KIAA0319: variants seen among roughly 807,000 people sequenced by gnomAD.
The protein encoded by KIAA0319 is dyslexia-associated protein KIAA0319.
KIAA0319 carries 83 observed loss-of-function variants against 108.4 expected under a neutral mutation model. The observed-to-expected ratio is 0.77, with a 90% CI of 0.64 to 0.92. The LOEUF is 0.92. Ranked by LOEUF, KIAA0319 falls within the 40% of genes least tolerant of loss-of-function variation. The pLI is 0.00. For missense variants in KIAA0319, 1,195 were observed against 1,322.4 expected (o/e 0.90, Z 1.49); for synonymous variants, 484 against 510.4 (o/e 0.95, Z 0.70).
chr6:24,557,920 T>G (rs1428747054), intron 17 of KIAA0319, among the ~76,000 whole-genome samples: 1 of 152,004 alleles, frequency 6.6e-6, no homozygotes, highest in East Asian at 1.9e-4. Flanking sequence ...AAGTTAAAAA[T>G]CAGATTAAAA....
rs1165252514 is a variant in KIAA0319 at position 24,596,844 on chromosome 6, C to G, written c.56-226G>C. 5.9e-5 allele frequency among the ~76,000 whole-genome samples: 9 copies of G among 152,296 alleles called. No homozygotes were observed. The South Asian group carries it at 8.3e-4, about 14-fold the overall frequency. On this transcript the variant is annotated intron_variant, in intron 2 of 20. Coordinates refer to ENST00000378214, the MANE Select transcript of KIAA0319 (RefSeq NM_014809.4). ...CTCATTCATCTTCCATCTACTCATC[C>G]TTTCATTCATCCACCCGTCTTTCCT...
chr6:24,641,943 G>T (rs1437414448), intron 1 of KIAA0319, among the ~76,000 whole-genome samples: 1 of 150,852 alleles, frequency 6.6e-6, no homozygotes, highest in African/African-American at 2.4e-5. Flanking sequence ...GAGGTGGGAG[G>T]AGGCAGAGGC....
intron 14 of KIAA0319, among the ~76,000 whole-genome samples, chr6:24,566,251 A>C (rs1422759079): frequency 6.6e-6 from 1 of 152,182 alleles, no homozygotes; most frequent in Non-Finnish European, 1.5e-5. Context: ...GAAGTAGTTA[A>C]GGTTAATTGA....
At chr6:24,625,915 A>G (rs1033115896) in intron 1 of KIAA0319, among the ~76,000 whole-genome samples, 1 of 152,246 alleles carries the variant, frequency 6.6e-6, no homozygotes, top group Non-Finnish European at 1.5e-5. Context: ...AAAGAAGTAA[A>G]GACAACCTAA....
intron 4 of KIAA0319, among the ~76,000 whole-genome samples, chr6:24,584,179 C>G (rs928078535): frequency 2.0e-5 from 3 of 151,998 alleles, no homozygotes; most frequent in Admixed American, 6.6e-5. Context: ...GTACTTGGAA[C>G]CTTTCCAAGA....
chr6:24,563,667 G>A (rs79017898), intron 15 of KIAA0319, 149 bp from the exon 16 acceptor site: 91 of 607,752 alleles, frequency 1.5e-4, no homozygotes, highest in Admixed American at 1.3e-3. Flanking sequence ...TCTAAACACC[G>A]CAAAGGCCAC....
intron 1 of KIAA0319, among the ~76,000 whole-genome samples, chr6:24,614,442 A>C (rs1361429729): frequency 1.3e-5 from 2 of 152,198 alleles, no homozygotes; most frequent in Non-Finnish European, 2.9e-5. Context: ...CCAAGGCTAG[A>C]TTATCACCAC....
At chr6:24,636,803 CTTTT>C (rs1031611988) in intron 1 of KIAA0319, among the ~76,000 whole-genome samples, 5 of 148,994 alleles carry the variant, frequency 3.4e-5, no homozygotes, top group Non-Finnish European at 6.0e-5. Context: ...AATTTTTTTT[CTTTT>C]TTTTTTCTCA....
intron 7 of KIAA0319, among the ~76,000 whole-genome samples, chr6:24,580,201 G>T (rs1043532918): frequency 2.4e-4 from 36 of 152,034 alleles, no homozygotes; most frequent in Admixed American, 2.4e-3. Context: ...ATAACCAAGG[G>T]GCTCATCACA....
At chr6:24,622,067 A>G (rs1774025905) in intron 1 of KIAA0319, among the ~76,000 whole-genome samples, 1 of 152,180 alleles carries the variant, frequency 6.6e-6, no homozygotes, top group South Asian at 2.1e-4. Context: ...AATGAAATCT[A>G]CTTTATTCTG....
At position 24,628,358 on chromosome 6, in the gene KIAA0319, GTTT is replaced by G. The variant is rs1464981571; in HGVS notation, c.-106+17375_-106+17377del. 2.6e-5 allele frequency among the ~76,000 whole-genome samples: 4 copies of G among 152,018 alleles called. No individual in the cohort carries two copies. In the East Asian group the frequency reaches 5.8e-4, roughly 22 times the overall value. On this transcript the variant is annotated intron_variant, in intron 1 of 20. Coordinates refer to ENST00000378214, the MANE Select transcript of KIAA0319 (RefSeq NM_014809.4). ...CTAGCCTGTAAGTTCTCTTTAAAGT[GTTT>G]TTATTTTAATATGTCACATTTGATT...
chr6:24,642,520 C>T (rs1387426945), intron 1 of KIAA0319, among the ~76,000 whole-genome samples: 1 of 152,158 alleles, frequency 6.6e-6, no homozygotes, highest in Non-Finnish European at 1.5e-5. Flanking sequence ...CATGAATAAA[C>T]ATCCTATCAA....
chr6:24,587,570 G>A (rs1447634510), intron 4 of KIAA0319, among the ~76,000 whole-genome samples: 12 of 151,638 alleles, frequency 7.9e-5, no homozygotes, highest in South Asian at 2.1e-4. Context: ...GTGAGCCACC[G>A]TGCCTGGTCC....
intron 16 of KIAA0319, among the ~76,000 whole-genome samples, chr6:24,561,688 G>T (rs913904524): frequency 2.6e-5 from 4 of 151,766 alleles, no homozygotes; most frequent in Non-Finnish European, 5.9e-5. Flanking sequence ...GACCATGGGC[G>T]TGTGCCACCA....
At chr6:24,583,419 A>G (rs933931356) in intron 5 of KIAA0319, among the ~76,000 whole-genome samples, 185 bp downstream of exon 5, 3 of 152,098 alleles carry the variant, frequency 2.0e-5, no homozygotes, top group South Asian at 2.1e-4. Context: ...CTAGATTCTT[A>G]CTCCATTTGA....
At chr6:24,591,177 T>C (rs1329334623) in intron 3 of KIAA0319, among the ~76,000 whole-genome samples, 2 of 152,200 alleles carry the variant, frequency 1.3e-5, no homozygotes, top group African/African-American at 4.8e-5. Flanking sequence ...CATAGTACTG[T>C]TATGAACATT....
intron 1 of KIAA0319, among the ~76,000 whole-genome samples, chr6:24,636,773 A>G (rs1266886644): frequency 6.6e-6 from 1 of 151,990 alleles, no homozygotes; most frequent in Non-Finnish European, 1.5e-5. Flanking sequence ...TTATGCTCTT[A>G]TTTATTTTCC....
At chr6:24,637,340 C>T (rs1354664065) in intron 1 of KIAA0319, among the ~76,000 whole-genome samples, 2 of 152,204 alleles carry the variant, frequency 1.3e-5, no homozygotes, top group Non-Finnish European at 2.9e-5. Context: ...CACCCGAGAG[C>T]TCTGCTCATT....
chr6:24,548,792 C>T (rs1015573199), intron 20 of KIAA0319, among the ~76,000 whole-genome samples: 17 of 152,180 alleles, frequency 1.1e-4, no homozygotes, highest in African/African-American at 3.9e-4. Context: ...ACAAAGTAAA[C>T]CATGAAGTTT....
Sources: gnomAD v4.1 joint callset for allele counts (sites outside exome capture counted in the v4.1 genomes callset) on GRCh38, gnomAD v4.1.1 for gene constraint, MANE v1.5 for transcripts, NCBI Gene and HGNC (gene_info 2026-07-23, HGNC 2026-07-21) for gene names.